PHTF2: variants seen among roughly 807,000 people sequenced by gnomAD.
PHTF2 encodes protein PHTF2.
In PHTF2, 60 loss-of-function variants were observed where a neutral mutation model predicts 101.2. The observed-to-expected ratio is 0.59, with a 90% CI of 0.48 to 0.73. The LOEUF is 0.73. Ranked by LOEUF, PHTF2 falls within the 30% of genes least tolerant of loss-of-function variation. The pLI is 0.00. For synonymous variants in PHTF2, 311 were observed against 307.3 expected (o/e 1.01, Z -0.13); for missense variants, 747 against 908.7 (o/e 0.82, Z 2.29).
chr7:77,945,899 T>G (rs1305949301), intron 16 of PHTF2, among the ~76,000 whole-genome samples: 1 of 152,160 alleles, frequency 6.6e-6, no homozygotes, highest in Non-Finnish European at 1.5e-5. Context: ...TGTCAAATAT[T>G]TAAATAGATA....
At chr7:77,899,199 G>A (rs1425092338) in intron 5 of PHTF2, among the ~76,000 whole-genome samples, 3 of 152,144 alleles carry the variant, frequency 2.0e-5, no homozygotes, top group Non-Finnish European at 2.9e-5. Context: ...ATACTTGAGG[G>A]CCATCTTGAA....
chr7:77,943,507 CTTAG>C (rs112364809), intron 16 of PHTF2, among the ~76,000 whole-genome samples: 62,889 of 151,596 alleles, frequency 0.41, 15,008 homozygotes, highest in East Asian at 0.68. Flanking sequence ...AGTGACCCAG[CTTAG>C]TTAGGGAGTA....
intron 16 of PHTF2, among the ~76,000 whole-genome samples, chr7:77,947,070 A>T (rs1031167099): frequency 3.3e-5 from 5 of 152,012 alleles, no homozygotes; most frequent in Non-Finnish European, 4.4e-5. Context: ...GCAGTAAGCC[A>T]TGATTGTGCC....
At chr7:77,935,378 A>G (rs1805028615) in intron 12 of PHTF2, among the ~76,000 whole-genome samples, 1 of 151,800 alleles carries the variant, frequency 6.6e-6, no homozygotes, top group South Asian at 2.1e-4. Context: ...ACCAGCCACC[A>G]TGCCTGGCTG....
intron 7 of PHTF2, among the ~76,000 whole-genome samples, chr7:77,903,997 C>A (rs1163181298): frequency 2.0e-5 from 3 of 152,186 alleles, no homozygotes; most frequent in Admixed American, 6.5e-5. Context: ...ATCCCCATTT[C>A]TGCATGTCTT....
At chr7:77,890,028 C>T (rs971551987) in intron 3 of PHTF2, among the ~76,000 whole-genome samples, 1 of 150,356 alleles carries the variant, frequency 6.7e-6, no homozygotes, top group Admixed American at 6.6e-5. Flanking sequence ...ACGCGCCCCC[C>T]CCCACCACCA....
intron 3 of PHTF2, among the ~76,000 whole-genome samples, chr7:77,859,557 CT>C (rs1797453506): frequency 4.3e-5 from 6 of 140,178 alleles, no homozygotes; most frequent in African/African-American, 1.4e-4. Context: ...TCTTTTCTTT[CT>C]TTCTTCTTTT....
At chr7:77,839,394 A>G (rs1428881048) in intron 1 of PHTF2, among the ~76,000 whole-genome samples, 1 of 152,218 alleles carries the variant, frequency 6.6e-6, no homozygotes, top group African/African-American at 2.4e-5. Flanking sequence ...ATCCTGTTTT[A>G]GACAAACACA....
chr7:77,941,003 ACT>A (rs1805596278), intron 15 of PHTF2, among the ~76,000 whole-genome samples: 1 of 152,152 alleles, frequency 6.6e-6, no homozygotes, highest in South Asian at 2.1e-4. Flanking sequence ...TGATATAAAA[ACT>A]CTGGAGGGAA....
At chr7:77,836,287 G>C (rs1795463093) in intron 1 of PHTF2, among the ~76,000 whole-genome samples, 1 of 152,068 alleles carries the variant, frequency 6.6e-6, no homozygotes, top group African/African-American at 2.4e-5. Flanking sequence ...AGGCAGAAGA[G>C]GTAAAGGAGG....
At chr7:77,846,241 G>A (rs547958953) in intron 2 of PHTF2, among the ~76,000 whole-genome samples, 11 of 152,300 alleles carry the variant, frequency 7.2e-5, no homozygotes, top group Middle Eastern at 3.4e-3. Flanking sequence ...CAGAGGGGGT[G>A]AATCCTGATA....
At chr7:77,917,062 C>T (rs962764102) in intron 9 of PHTF2, among the ~76,000 whole-genome samples, 1 of 152,162 alleles carries the variant, frequency 6.6e-6, no homozygotes, top group Non-Finnish European at 1.5e-5. Flanking sequence ...ATTCCTTCTA[C>T]ATTTATTAGT....
rs147546923 is a variant in PHTF2, at chr7:77,951,258, G to A, written c.2116-359G>A. Among the ~76,000 whole-genome samples, 103 of 152,146 alleles carry A rather than the reference G, an allele frequency of 6.8e-4. 2 individuals carry two copies. The East Asian group carries it at 0.019, about 29-fold the overall frequency. Reference sequence around the variant, plus strand: ...TTTCAATACCAGCCTGGGCAACATAGCAAGACCCCATCTCTAGTAAAAAAG... The same window carrying A: ...TTTCAATACCAGCCTGGGCAACATAACAAGACCCCATCTCTAGTAAAAAAG... On this transcript the variant is annotated intron_variant, in intron 17 of 19. Transcript: ENST00000416283.
At chr7:77,942,677 TC>T in intron 15 of PHTF2, 22 bp from the exon 15 acceptor site, 1 of 1,394,082 alleles carries the variant, frequency 7.2e-7, no homozygotes, top group Non-Finnish European at 1.0e-6. Flanking sequence ...TTTCCTTTTC[TC>T]CCTTCCACCC....
At chr7:77,904,631 T>TGGAA (rs1801687699) in intron 7 of PHTF2, among the ~76,000 whole-genome samples, 1 of 152,190 alleles carries the variant, frequency 6.6e-6, no homozygotes, top group Non-Finnish European at 1.5e-5. Context: ...TTCTTGTGTG[T>TGGAA]GTGAGTGGAG....
chr7:77,821,788 G>A (rs1195883575), intron 1 of PHTF2, among the ~76,000 whole-genome samples: 4 of 152,192 alleles, frequency 2.6e-5, no homozygotes, highest in African/African-American at 9.7e-5. Flanking sequence ...GCTCAGGAGT[G>A]AGCCCTCCAT....
chr7:77,923,518 G>A (rs1214561004), intron 11 of PHTF2: 1 of 984,280 alleles, frequency 1.0e-6, no homozygotes, highest in Non-Finnish European at 1.2e-6. Context: ...GATTAGAAGA[G>A]TTACTATTCT....
At chr7:77,851,231 G>T (rs902257047) in intron 2 of PHTF2, among the ~76,000 whole-genome samples, 2 of 152,168 alleles carry the variant, frequency 1.3e-5, no homozygotes, top group Admixed American at 1.3e-4. Context: ...AAGCCATTGG[G>T]TCCTGGGCTT....
At chr7:77,822,465 T>C (rs1017322667) in intron 1 of PHTF2, among the ~76,000 whole-genome samples, 3 of 151,550 alleles carry the variant, frequency 2.0e-5, no homozygotes, top group African/African-American at 7.3e-5. Context: ...GGGAGGGGAG[T>C]GTGCACCCTG....
Sources: allele counts gnomAD v4.1 joint callset (sites outside exome capture counted in the v4.1 genomes callset), GRCh38; gene constraint gnomAD v4.1.1; transcripts MANE v1.5; gene names NCBI Gene and HGNC (gene_info 2026-07-23, HGNC 2026-07-21).